AGL: variants seen among roughly 807,000 people sequenced by gnomAD.
AGL encodes amylo-alpha-1,6-glucosidase and 4-alpha-glucanotransferase.
AGL carries 128 observed loss-of-function variants against 199.3 expected under a neutral mutation model. That is an observed-to-expected ratio of 0.64 (90% CI 0.56 to 0.74). The LOEUF (loss-of-function observed/expected upper bound fraction) is 0.74. AGL is among the 30% of genes least tolerant of loss of function. The probability of loss-of-function intolerance (pLI) is 0.00; values close to 1 mark genes in which losing one functional copy is unlikely to be tolerated. For missense variants in AGL, 1,809 were observed against 1,820.8 expected (o/e 0.99, Z 0.12); for synonymous variants, 584 against 594.7 (o/e 0.98, Z 0.26).
At chr1:99,874,225 A>T (rs900648767) in intron 7 of AGL, among the ~76,000 whole-genome samples, 4 of 146,356 alleles carry the variant, frequency 2.7e-5, no homozygotes, top group African/African-American at 7.8e-5. Flanking sequence ...ACCGGGGAGG[A>T]AAACGGGTTC....
chr1:99,857,847 A>AGAGGGAGGCCGGGGGGAGGGGGGGGGGGT (rs1557743553), intron 2 of AGL, among the ~76,000 whole-genome samples: 1 of 8,226 alleles, frequency 1.2e-4, no homozygotes, highest in Non-Finnish European at 2.4e-4. Context: ...GGGGAGGGGG[A>AGAGGGAGGCCGGGGGGAGGGGGGGGGGGT]GGGGGGAAGA....
chr1:99,919,874 C>T (rs17121644), intron 33 of AGL, among the ~76,000 whole-genome samples: 7,928 of 152,234 alleles, frequency 0.052, 256 homozygotes, highest in African/African-American at 0.079. Flanking sequence ...CACTCTGGAC[C>T]ACTCTCACCC....
At chr1:99,884,746 T>C in intron 20 of AGL, 43 bp downstream of exon 20, 2 of 1,609,438 alleles carry the variant, frequency 1.2e-6, no homozygotes, top group Non-Finnish European at 1.7e-6. Context: ...CCTTAATAAG[T>C]AAGTTACCAC....
intron 2 of AGL, among the ~76,000 whole-genome samples, chr1:99,858,861 C>A (rs960089673): frequency 6.6e-6 from 1 of 151,326 alleles, no homozygotes; most frequent in African/African-American, 2.4e-5. Context: ...ATATCTTATC[C>A]CATTAAGTTA....
chr1:99,873,414 A>G (rs1651193693), intron 7 of AGL, among the ~76,000 whole-genome samples: 1 of 150,910 alleles, frequency 6.6e-6, no homozygotes, highest in African/African-American at 2.4e-5. Flanking sequence ...CTCTTTTTCA[A>G]ACATTTCTTG....
chr1:99,876,720 A>C (rs1651568636), intron 11 of AGL, 123 bp downstream of exon 11: 1 of 1,172,926 alleles, frequency 8.5e-7, no homozygotes, highest in Non-Finnish European at 1.3e-6. Flanking sequence ...TTCACCATAA[A>C]GGTACCAGAG....
chr1:99,864,510 T>C lies in AGL; in HGVS notation c.585T>C (p.Asn195=), dbSNP rs756329937. The stretch of plus-strand genomic sequence containing the variant: ...GACCTAATAGAAAGTATACCTGGAA[T>C]GATGTTGGACAGCTAGTGGAAAAAT... The part of the protein sequence containing the change: ...FSRPNRKYTW[N]DVGQLVEKLK... The change falls in exon 5 of 34, where the codon AAT becomes AAC. Residue 195 remains asparagine, a synonymous_variant. Coordinates refer to ENST00000361915, the MANE Select transcript of AGL (RefSeq NM_000642.3). 3 of 1,613,960 alleles carry C rather than the reference T, an allele frequency of 1.9e-6. No individual in the cohort carries two copies. The highest frequency in any genetic ancestry group is 1.7e-6 in the Non-Finnish European group (2 of 1,179,898).
At chr1:99,888,378 A>G (rs946500836) in intron 21 of AGL, among the ~76,000 whole-genome samples, 1 of 152,238 alleles carries the variant, frequency 6.6e-6, no homozygotes, top group African/African-American at 2.4e-5. Context: ...AACAGGATGT[A>G]ACACAAAGTA....
Position 99,887,990 on chromosome 1 carries a change from A to G in AGL, c.2694A>G (p.Arg898=), listed in dbSNP as rs757076841. 7 of 1,613,432 alleles carry G rather than the reference A, an allele frequency of 4.3e-6. No individual in the cohort carries two copies. The highest frequency in any genetic ancestry group is 5.9e-6 in the Non-Finnish European group (7 of 1,179,582). ...TTCCAATTCTTAGTCTTGCCTCCAG[A>G]TTAACTTTGGCTGAGCTAAATCAGA... ...LKIPFASLAS[R]LTLAELNQIL... The change falls in exon 21 of 34, where the codon AGA becomes AGG. Residue 898 remains arginine, a synonymous_variant. Transcript: ENST00000361915.
At chr1:99,863,941 C>A (rs1476100065) in intron 4 of AGL, among the ~76,000 whole-genome samples, 1 of 151,992 alleles carries the variant, frequency 6.6e-6, no homozygotes, top group African/African-American at 2.4e-5. Context: ...TGCACCTGAT[C>A]TCAATATTAA....
intron 2 of AGL, among the ~76,000 whole-genome samples, chr1:99,857,674 TGGC>T (rs1649638431): frequency 6.7e-6 from 1 of 150,366 alleles, no homozygotes; most frequent in Non-Finnish European, 1.5e-5. Context: ...CAGTCAGGCG[TGGC>T]GGCGCGCGCC....
rs746164709 is a variant in AGL at position 99,872,873 on chromosome 1, C to T, written c.959-1814C>T. 1.1e-3 allele frequency among the ~76,000 whole-genome samples: 166 copies of T among 152,138 alleles called. 1 individual carries two copies. Among genetic ancestry groups the T allele is most frequent in the Non-Finnish European group, 1.7e-3 (119 of 68,024 alleles). On this transcript the variant is annotated intron_variant, in intron 7 of 33. Transcript: ENST00000361915. ...TTATTAATGAAGTATATTTTTACAC[C>T]TTGATTAGCTATTTATATTTCTTCC...
At chr1:99,866,757 A>G (rs1650543886) in intron 5 of AGL, among the ~76,000 whole-genome samples, 2 of 152,130 alleles carry the variant, frequency 1.3e-5, no homozygotes, top group Non-Finnish European at 2.9e-5. Flanking sequence ...CTTACTTGAA[A>G]AGTGTTGCAA....
rs771853367 is a variant in AGL, at chr1:99,902,746, C to G, written c.3652C>G (p.Arg1218Gly). The change falls in exon 27 of 34, where the codon CGA becomes GGA. Residue 1218 changes from arginine (R) to glycine (G), a missense_variant. Coordinates refer to ENST00000361915, the MANE Select transcript of AGL (RefSeq NM_000642.3). The stretch of plus-strand genomic sequence containing the variant: ...AAAACACATGCAGGGCATACAGTTC[C>G]GAGAAAGGAATGCTGGTCCCCAGAT... Reference protein sequence around the residue: ...MQKHMQGIQFRERNAGPQIDR... With the variant: ...MQKHMQGIQFGERNAGPQIDR... 3.7e-6 allele frequency: 6 copies of G among 1,613,276 alleles called. No homozygotes were observed. The highest frequency in any genetic ancestry group is 3.3e-5 in the Admixed American group (2 of 59,982).
At chr1:99,888,811 C>G (rs1570459178) in intron 21 of AGL, among the ~76,000 whole-genome samples, 1 of 152,296 alleles carries the variant, frequency 6.6e-6, no homozygotes, top group South Asian at 2.1e-4. Flanking sequence ...CTTTCTCCAT[C>G]TAACCTATCT....
rs1365299351 is a variant in AGL at position 99,922,434 on chromosome 1, A to G, written c.*783A>G. ...AAAAAGAATGTTATATTAGTTTTCT[A>G]AAACTCAACTATCTTTAGTCATGTT... is the stretch of plus-strand genomic sequence containing the variant. On this transcript the variant is annotated 3_prime_UTR_variant, in exon 34 of 34. Coordinates refer to ENST00000361915, the MANE Select transcript of AGL (RefSeq NM_000642.3). 1 of 151,838 alleles carries G rather than the reference A, an allele frequency of 6.6e-6. No individual in the cohort carries two copies. Among genetic ancestry groups the G allele is most frequent in the Admixed American group, 6.6e-5 (1 of 15,262 alleles). 9.4% of individuals were successfully genotyped at this position (151,838 alleles called of 1,614,324 possible).
chr1:99,907,550 TGCC>T (rs1215818522), intron 27 of AGL, among the ~76,000 whole-genome samples: 5 of 152,180 alleles, frequency 3.3e-5, no homozygotes, highest in Admixed American at 1.3e-4. Context: ...ACAGTGGCTG[TGCC>T]ATTTTACACT....
intron 2 of AGL, among the ~76,000 whole-genome samples, chr1:99,859,740 C>T (rs1237007091): frequency 6.6e-6 from 1 of 152,082 alleles, no homozygotes; most frequent in East Asian, 1.9e-4. Flanking sequence ...TGGGGTTTCA[C>T]CATGTTGGTC....
At chr1:99,856,825 T>C (rs141970507) in intron 2 of AGL, among the ~76,000 whole-genome samples, 1,973 of 152,322 alleles carry the variant, frequency 0.013, 26 homozygotes, top group Non-Finnish European at 0.02. Flanking sequence ...AAATAGAGTC[T>C]CCCATGTCTA....
Sources: allele counts gnomAD v4.1 joint callset (sites outside exome capture counted in the v4.1 genomes callset), GRCh38; gene constraint gnomAD v4.1.1; transcripts MANE v1.5; gene names NCBI Gene and HGNC (gene_info 2026-07-23, HGNC 2026-07-21).